RALGAPA1: variants seen among roughly 807,000 people sequenced by gnomAD.
RALGAPA1 encodes the protein ral GTPase-activating protein subunit alpha-1.
In RALGAPA1, 52 loss-of-function variants were observed where a neutral mutation model predicts 269.6. That is an observed-to-expected ratio of 0.19 (90% CI 0.15 to 0.24). The LOEUF is 0.24. RALGAPA1 is among the 10% of genes least tolerant of loss of function. RALGAPA1 has a pLI of 1.00. For synonymous variants in RALGAPA1, 817 were observed against 1,008.3 expected (o/e 0.81, Z 3.60); for missense variants, 1,917 against 3,013.9 (o/e 0.64, Z 8.52).
chr14:35,669,252 ATCTT>A (rs1431882597), intron 26 of RALGAPA1, among the ~76,000 whole-genome samples: 8 of 151,718 alleles, frequency 5.3e-5, no homozygotes, highest in African/African-American at 1.7e-4. Context: ...ACGGCAGGTT[ATCTT>A]TCTTTATTTT....
At chr14:35,562,503 A>C (rs1170270042) in intron 39 of RALGAPA1, among the ~76,000 whole-genome samples, 1 of 152,216 alleles carries the variant, frequency 6.6e-6, no homozygotes, top group Non-Finnish European at 1.5e-5. Context: ...ATCTTCAGTA[A>C]ACTATAATGG....
intron 9 of RALGAPA1, 121 bp from the exon 10 acceptor site, chr14:35,748,945 C>G: frequency 1.5e-6 from 2 of 1,378,894 alleles, no homozygotes; most frequent in Non-Finnish European, 1.9e-6. Flanking sequence ...ATTTATACCA[C>G]TGCTTAAACT....
At chr14:35,684,134 T>A in intron 20 of RALGAPA1, 149 bp from the exon 21 acceptor site, 1 of 607,738 alleles carries the variant, frequency 1.6e-6, no homozygotes, top group South Asian at 2.7e-5. Context: ...ATAATCTTAA[T>A]ACTCTGAAGA....
chr14:35,563,397 G>T (rs549032995), intron 39 of RALGAPA1, among the ~76,000 whole-genome samples: 1 of 152,248 alleles, frequency 6.6e-6, no homozygotes, highest in South Asian at 2.1e-4. Context: ...CAGGAATAAT[G>T]AATATGACTT....
chr14:35,755,849 T>A (rs1048342970), intron 7 of RALGAPA1, among the ~76,000 whole-genome samples: 1 of 152,218 alleles, frequency 6.6e-6, no homozygotes. Context: ...AATGTTTGTT[T>A]CTGAGGTATG....
At chr14:35,682,840 C>T (rs1172205347) in intron 21 of RALGAPA1, among the ~76,000 whole-genome samples, 1 of 152,122 alleles carries the variant, frequency 6.6e-6, no homozygotes, top group East Asian at 1.9e-4. Flanking sequence ...CCATTCTCCA[C>T]TAGGGCCATA....
In RALGAPA1 at chr14:35,688,844, G is replaced by A; in HGVS notation, c.3567C>T (p.Ser1189=). 1.5e-6 allele frequency: 2 copies of A among 1,310,784 alleles called. No individual in the cohort carries two copies. The highest frequency in any genetic ancestry group is 1.9e-6 in the Non-Finnish European group (2 of 1,033,214). The allele number at this position is 1,310,784 out of a possible 1,614,324, so 81.2% of individuals were successfully genotyped here. Residue 1189 remains serine, a synonymous_variant, in exon 18 of 42, where the codon AGC becomes AGT. Coordinates refer to ENST00000680220, the MANE Select transcript of RALGAPA1 (RefSeq NM_001346249.2). ...RKLGGFSSGS[S]NSSTSNTHTS... is the part of the protein sequence containing the mutation. ...TATGGGTGTTGCTAGTGCTGCTATT[G>A]CTGCTACCACTACTAAAGCCACCGA... is the stretch of plus-strand genomic sequence containing the variant.
chr14:35,805,647 G>T (rs2077312871), intron 1 of RALGAPA1, among the ~76,000 whole-genome samples: 1 of 150,242 alleles, frequency 6.7e-6, no homozygotes. Context: ...ACTTTGGGAG[G>T]TTATACATAC....
chr14:35,772,045 T>C (rs151107466), intron 3 of RALGAPA1, among the ~76,000 whole-genome samples: 3 of 152,254 alleles, frequency 2.0e-5, no homozygotes, highest in East Asian at 1.9e-4. Flanking sequence ...ATGATGGATA[T>C]AGGTATGAGA....
chr14:35,779,241 T>C (rs1478843983), intron 1 of RALGAPA1, among the ~76,000 whole-genome samples: 2 of 152,218 alleles, frequency 1.3e-5, no homozygotes, highest in East Asian at 3.9e-4. Flanking sequence ...TAAAACAGGC[T>C]TGGGCTGGGC....
At chr14:35,802,499 C>A (rs933579913) in intron 1 of RALGAPA1, among the ~76,000 whole-genome samples, 1 of 152,016 alleles carries the variant, frequency 6.6e-6, no homozygotes, top group East Asian at 1.9e-4. Flanking sequence ...GACCTGCACA[C>A]TGAACTACAA....
At chr14:35,804,966 G>T (rs1318774639) in intron 1 of RALGAPA1, among the ~76,000 whole-genome samples, 1 of 151,940 alleles carries the variant, frequency 6.6e-6, no homozygotes, top group African/African-American at 2.4e-5. Context: ...CCAGGATACA[G>T]ATTAATTTCA....
intron 1 of RALGAPA1, among the ~76,000 whole-genome samples, chr14:35,801,888 T>C (rs1409769141): frequency 6.6e-6 from 1 of 152,186 alleles, no homozygotes; most frequent in African/African-American, 2.4e-5. Flanking sequence ...CTATGTCACA[T>C]TGGAGGTTCT....
intron 26 of RALGAPA1, among the ~76,000 whole-genome samples, chr14:35,666,255 ATC>A (rs2063926551): frequency 6.6e-6 from 1 of 151,002 alleles, no homozygotes; most frequent in Non-Finnish European, 1.5e-5. Flanking sequence ...GGACACAATT[ATC>A]TTTTTTTTTT....
chr14:35,795,544 G>A (rs956511567), intron 1 of RALGAPA1, among the ~76,000 whole-genome samples: 2 of 152,044 alleles, frequency 1.3e-5, no homozygotes, highest in African/African-American at 2.4e-5. Flanking sequence ...GCCTTGGGTC[G>A]AATACTCAGG....
intron 24 of RALGAPA1, among the ~76,000 whole-genome samples, chr14:35,673,418 C>T (rs927685851): frequency 2.6e-5 from 4 of 151,826 alleles, no homozygotes; most frequent in East Asian, 1.9e-4. Context: ...TAGCCAGGCA[C>T]GGTGGCACAC....
intron 10 of RALGAPA1, chr14:35,748,368 C>A: frequency 2.9e-6 from 1 of 348,230 alleles, no homozygotes; most frequent in Non-Finnish European, 4.9e-6. Context: ...AGTAATTTCT[C>A]TCTCTCGCTC....
At chr14:35,680,047 T>C (rs2065284072) in intron 21 of RALGAPA1, among the ~76,000 whole-genome samples, 1 of 152,178 alleles carries the variant, frequency 6.6e-6, no homozygotes, top group Non-Finnish European at 1.5e-5. Context: ...GCTGAAGGCA[T>C]AATGAAAATT....
intron 27 of RALGAPA1, among the ~76,000 whole-genome samples, chr14:35,664,136 C>T (rs1005987420): frequency 1.3e-5 from 2 of 152,052 alleles, no homozygotes; most frequent in African/African-American, 4.8e-5. Flanking sequence ...CCACTGGCAA[C>T]TGTATAGTCA....
Sources: allele counts gnomAD v4.1 joint callset (sites outside exome capture counted in the v4.1 genomes callset), GRCh38; gene constraint gnomAD v4.1.1; transcripts MANE v1.5; gene names NCBI Gene and HGNC (gene_info 2026-07-23, HGNC 2026-07-21).